JPH3: variants seen among roughly 807,000 people sequenced by gnomAD.
The protein encoded by JPH3 is junctophilin-3.
A neutral mutation model predicts 59.6 loss-of-function variants in JPH3; 11 were observed. The observed-to-expected ratio is 0.18, with a 90% CI of 0.12 to 0.31. The LOEUF is 0.31. JPH3 is among the 10% of genes least tolerant of loss of function. The pLI, the probability that JPH3 is intolerant of heterozygous loss-of-function variation, is 1.00. For missense variants in JPH3, 1,202 were observed against 1,105.7 expected (o/e 1.09, Z -1.24); for synonymous variants, 673 against 483.6 (o/e 1.39, Z -5.14).
intron 1 of JPH3, among the ~76,000 whole-genome samples, chr16:87,627,588 G>A (rs1412000970): frequency 6.6e-6 from 1 of 152,202 alleles, no homozygotes; most frequent in African/African-American, 2.4e-5. Flanking sequence ...GACCGCTGTT[G>A]GTGCCAGGCA....
Position 87,603,370 on chromosome 16 carries a change from T to G in JPH3, c.224T>G (p.Leu75Arg), listed in dbSNP as rs758595761. The stretch of plus-strand genomic sequence containing the variant: ...CAGGGCAAGCGCCACGGCATCGGCC[T>G]GGAGAGCAAGGGGAAGTGGGTGTAC... ...WAQGKRHGIG[L>R]ESKGKWVYKG... The change falls in exon 1 of 5, where the codon CTG becomes CGG. Residue 75 changes from leucine to arginine, a missense_variant. By Grantham distance (102) the Leu-to-Arg change is moderately radical (BLOSUM62 -2). Coordinates refer to ENST00000284262, the MANE Select transcript of JPH3 (RefSeq NM_020655.4). The G allele has an allele frequency of 2.5e-6, 4 of 1,610,418 alleles. No individual in the cohort carries two copies. The East Asian group carries it at 9.0e-5, about 36-fold the overall frequency.
chr16:87,671,752 C>T (rs1487400230), intron 2 of JPH3, among the ~76,000 whole-genome samples: 1 of 152,210 alleles, frequency 6.6e-6, no homozygotes, highest in African/African-American at 2.4e-5. Context: ...AGCTGGAGAA[C>T]CCCCTTCCTC....
In JPH3 at chr16:87,644,512, G is replaced by T; in HGVS notation, c.637G>T (p.Gly213Trp). 1 of 1,612,908 alleles carries T rather than the reference G, an allele frequency of 6.2e-7. No homozygotes were observed. The highest frequency in any genetic ancestry group is 8.5e-7 in the Non-Finnish European group (1 of 1,179,850). Residue 213 changes from glycine (G) to tryptophan (W), a missense_variant, in exon 2 of 5, where the codon GGG becomes TGG. By Grantham distance (184) the Gly-to-Trp change is radical. Coordinates refer to ENST00000284262, the MANE Select transcript of JPH3 (RefSeq NM_020655.4). ...DSEILKSKKK[G>W]LFRRSLLSGL... is the part of the protein sequence containing the mutation. ...CGAGATCCTCAAGAGCAAGAAGAAG[G>T]GGCTGTTTCGGCGCTCGCTGCTGAG...
chr16:87,639,218 G>A (rs56890289), intron 1 of JPH3, among the ~76,000 whole-genome samples: 3,732 of 152,182 alleles, frequency 0.025, 133 homozygotes, highest in African/African-American at 0.081. Flanking sequence ...CCCTCCCCTC[G>A]TTGCAGATGA....
chr16:87,688,507 C>T (rs759805508), intron 3 of JPH3, among the ~76,000 whole-genome samples: 3 of 136,204 alleles, frequency 2.2e-5, no homozygotes, highest in Non-Finnish European at 4.4e-5. Flanking sequence ...CTTCTCCTGC[C>T]AAAAGGTCAG....
At chr16:87,609,671 G>A (rs1303910096) in intron 1 of JPH3, among the ~76,000 whole-genome samples, 1 of 152,206 alleles carries the variant, frequency 6.6e-6, no homozygotes, top group Non-Finnish European at 1.5e-5. Context: ...AGGGGTCATA[G>A]GTGCACAGCC....
Position 87,644,641 on chromosome 16 carries a change from A to G in JPH3, c.766A>G (p.Thr256Ala). 6.2e-7 allele frequency: 1 copy of G among 1,611,962 alleles called. No individual in the cohort carries two copies. ...SEAGMSTVSS[T>A]ASDIHSTISL... is the part of the protein sequence containing the mutation. ...GGCGGGCATGAGCACCGTCAGCTCC[A>G]CGGCCAGCGACATCCACTCCACCAT... Residue 256 changes from threonine to alanine, a missense_variant, in exon 2 of 5, where the codon ACG (threonine) becomes GCG (alanine). Physicochemically the swap from Thr to Ala is moderately conservative, Grantham distance 58 (BLOSUM62 0). Transcript: ENST00000284262.
At chr16:87,670,962 T>C (rs1022928650) in intron 2 of JPH3, among the ~76,000 whole-genome samples, 7 of 152,014 alleles carry the variant, frequency 4.6e-5, no homozygotes, top group African/African-American at 1.7e-4. Context: ...TGAATCAGTG[T>C]GGTGTGACCC....
chr16:87,644,738 A>T lies in JPH3; in HGVS notation c.863A>T (p.Tyr288Phe). Residue 288 changes from tyrosine (Y) to phenylalanine (F), a missense_variant, in exon 2 of 5, where the codon TAC becomes TTC. Transcript: ENST00000284262. ...DDIDATTTET[Y>F]VGEWKNDKRS... ...ATCGACGCCACCACCACCGAGACCT[A>T]CGTGGGCGAGTGGAAGAACGACAAA... The T allele has an allele frequency of 6.2e-7, 1 of 1,612,942 alleles. No individual in the cohort carries two copies. The highest frequency in any genetic ancestry group is 1.1e-5 in the South Asian group (1 of 91,076).
chr16:87,602,420 GGGGGCGGGGGC>G (rs1215203077), upstream of JPH3, among the ~76,000 whole-genome samples: 1 of 104,020 alleles, frequency 9.6e-6, no homozygotes, highest in Non-Finnish European at 2.0e-5. Flanking sequence ...CTCCGGGGGC[GGGGGCGGGGGC>G]GGGGGCGGGG....
chr16:87,610,591 C>T (rs184526359), intron 1 of JPH3, among the ~76,000 whole-genome samples: 181 of 152,208 alleles, frequency 1.2e-3, no homozygotes, highest in Non-Finnish European at 1.9e-3. Flanking sequence ...ATTGCAAGAC[C>T]TTAGAATTGG....
chr16:87,604,573 G>A, intron 1 of JPH3: 1 of 1,237,368 alleles, frequency 8.1e-7, no homozygotes, highest in Non-Finnish European at 1.0e-6. Context: ...GCCTGGGAAG[G>A]GAGTGAGACG....
At position 87,689,951 on chromosome 16, in the gene JPH3, T is replaced by C. The variant is rs1424077948; in HGVS notation, c.1591T>C (p.Trp531Arg). 1 of 1,449,824 alleles carries C rather than the reference T, an allele frequency of 6.9e-7. No homozygotes were observed. The highest frequency in any genetic ancestry group is 1.4e-5 in the African/African-American group (1 of 69,820). 89.8% of individuals were successfully genotyped at this position (1,449,824 alleles called of 1,614,324 possible). A position where few individuals can be genotyped will look rare whatever the true frequency, so the allele number is the denominator to read the frequency against. Residue 531 changes from tryptophan to arginine, a missense_variant, in exon 4 of 5, where the codon TGG becomes CGG. Transcript: ENST00000284262. ...GRAGDCARSS[W>R]GEEQAGGSRG... ...GGCCGGGGACTGCGCCCGCAGCAGC[T>C]GGGGCGAGGAGCAGGCCGGGGGCTC...
intron 1 of JPH3, chr16:87,604,069 G>C (rs1233789120): frequency 1.0e-6 from 1 of 985,268 alleles, no homozygotes. Flanking sequence ...AACCAAAACA[G>C]CCAGGCAGTA....
chr16:87,666,093 CTTT>C (rs5818641), intron 2 of JPH3, among the ~76,000 whole-genome samples: 5 of 144,984 alleles, frequency 3.4e-5, no homozygotes, highest in Admixed American at 6.9e-5. Flanking sequence ...CTTTTTTTCT[CTTT>C]TTTTTTTTTT....
intron 1 of JPH3, among the ~76,000 whole-genome samples, chr16:87,613,555 A>T (rs138489273): frequency 0.017 from 2,662 of 152,126 alleles, 43 homozygotes; most frequent in Non-Finnish European, 0.027. Flanking sequence ...TCTTGACCTC[A>T]AGTGATCCGC....
intron 1 of JPH3, among the ~76,000 whole-genome samples, chr16:87,623,996 G>T (rs988827902): frequency 1.3e-5 from 2 of 152,238 alleles, no homozygotes; most frequent in African/African-American, 4.8e-5. Context: ...GTCCCTGTCA[G>T]CTGGGAGGGG....
intron 1 of JPH3, among the ~76,000 whole-genome samples, chr16:87,642,240 A>C (rs1362328933): frequency 1.0e-5 from 1 of 96,356 alleles, no homozygotes; most frequent in East Asian, 3.2e-4. Flanking sequence ...GGGCCTGGCT[A>C]GGGAAAGGGG....
chr16:87,652,045 G>A (rs1029865692), intron 2 of JPH3, among the ~76,000 whole-genome samples: 1 of 152,044 alleles, frequency 6.6e-6, no homozygotes, highest in Non-Finnish European at 1.5e-5. Flanking sequence ...CACGATCTTG[G>A]CTCACTGCAA....
Sources: gnomAD v4.1 joint callset for allele counts (sites outside exome capture counted in the v4.1 genomes callset) on GRCh38, gnomAD v4.1.1 for gene constraint, MANE v1.5 for transcripts, NCBI Gene and HGNC (gene_info 2026-07-23, HGNC 2026-07-21) for gene names.